The following NCOA1 variants were observed in gnomAD, a reference collection of about 807,000 sequenced individuals.
NCOA1 encodes Hin-2 protein.
A neutral mutation model predicts 150.9 loss-of-function variants in NCOA1; 35 were observed. The observed-to-expected ratio is 0.23, with a 90% CI of 0.18 to 0.31. NCOA1 has a LOEUF of 0.31. Among genes scored for constraint, NCOA1 ranks in the 10% least tolerant of loss-of-function variants. The pLI, the probability that NCOA1 is intolerant of heterozygous loss-of-function variation, is 1.00. For synonymous variants in NCOA1, 590 were observed against 630.0 expected (o/e 0.94, Z 0.95); for missense variants, 1,491 against 1,749.3 (o/e 0.85, Z 2.63).
At chr2:24,674,577 C>T (rs1288124325) in intron 7 of NCOA1, among the ~76,000 whole-genome samples, 1 of 152,126 alleles carries the variant, frequency 6.6e-6, no homozygotes, top group East Asian at 1.9e-4. Flanking sequence ...GAAATTTTCG[C>T]ACATCTAATG....
chr2:24,662,069 G>C (rs544749017), intron 5 of NCOA1, among the ~76,000 whole-genome samples: 2 of 152,292 alleles, frequency 1.3e-5, no homozygotes, highest in African/African-American at 4.8e-5. Flanking sequence ...ATTTGATATG[G>C]TAAACTAAAA....
chr2:24,565,840 A>G (rs893434274), intron 2 of NCOA1, among the ~76,000 whole-genome samples: 1 of 152,174 alleles, frequency 6.6e-6, no homozygotes, highest in Non-Finnish European at 1.5e-5. Flanking sequence ...ACTCCCTGCA[A>G]GCTGTGTCTG....
intron 4 of NCOA1, among the ~76,000 whole-genome samples, chr2:24,654,257 T>G (rs879802872): frequency 1.3e-5 from 2 of 152,194 alleles, no homozygotes; most frequent in African/African-American, 2.4e-5. Flanking sequence ...GCATTGGGGT[T>G]GTTCATATTA....
intron 17 of NCOA1, among the ~76,000 whole-genome samples, chr2:24,732,995 T>C (rs945071590): frequency 5.3e-5 from 8 of 151,732 alleles, no homozygotes; most frequent in Non-Finnish European, 7.4e-5. Flanking sequence ...CTGAGTCACA[T>C]GTACACCCTT....
intron 4 of NCOA1, among the ~76,000 whole-genome samples, chr2:24,653,862 G>A (rs535105020): frequency 1.3e-5 from 2 of 152,214 alleles, no homozygotes; most frequent in African/African-American, 2.4e-5. Context: ...TTTGAATTGG[G>A]CAAATTCTAA....
At chr2:24,545,249 T>C (rs11674568) in intron 1 of NCOA1, among the ~76,000 whole-genome samples, 1 of 151,944 alleles carries the variant, frequency 6.6e-6, no homozygotes, top group Non-Finnish European at 1.5e-5. Context: ...CCTGGAACAT[T>C]GTAGAGTGCC....
chr2:24,673,381 A>G lies in NCOA1; in HGVS notation c.272A>G (p.Asp91Gly). The G allele has an allele frequency of 6.3e-7, 1 of 1,575,108 alleles. No homozygotes were observed. The highest frequency in any genetic ancestry group is 2.3e-5 in the East Asian group (1 of 42,926). Residue 91 changes from aspartate to glycine, a missense_variant, in exon 7 of 23, where the codon GAT becomes GGT. Asp to Gly is a moderately conservative substitution (Grantham distance 94). This residue lies in a region of NCOA1 where 80 missense variants were observed against 163.0 expected (regional missense o/e 0.49). Coordinates refer to ENST00000348332, the MANE Select transcript of NCOA1 (RefSeq NM_003743.5). ...TTTATTATAGAGAAATCAACAACTG[A>G]TGACGATGTACAGAAATCAGACATC... ...KRMEQEKSTT[D>G]DDVQKSDISS...
chr2:24,742,266 G>A, intron 19 of NCOA1, 80 bp downstream of exon 19: 1 of 1,472,478 alleles, frequency 6.8e-7, no homozygotes, highest in African/African-American at 1.4e-5. Context: ...TCTGTGCTTG[G>A]ACATTAAAAT....
chr2:24,707,235 G>C lies in NCOA1; in HGVS notation c.1765G>C (p.Ala589Pro), dbSNP rs1158636304. The C allele has an allele frequency of 6.2e-7, 1 of 1,614,162 alleles. No homozygotes were observed. The highest frequency in any genetic ancestry group is 1.1e-5 in the South Asian group (1 of 91,084). Reference sequence around the variant, plus strand: ...TGAGTCCAAAGATAACAAAGAGATTGCCTCAATTTTAAATGAAATGATTCA... The same window carrying C: ...TGAGTCCAAAGATAACAAAGAGATTCCCTCAATTTTAAATGAAATGATTCA... ...KAESKDNKEI[A>P]SILNEMIQSD... The change falls in exon 13 of 23, where the codon GCC (alanine) becomes CCC (proline). Residue 589 changes from alanine to proline, a missense_variant. By Grantham distance (27) the Ala-to-Pro change is conservative. Transcript: ENST00000348332.
At chr2:24,532,978 A>G (rs1664963812) in intron 1 of NCOA1, among the ~76,000 whole-genome samples, 1 of 152,142 alleles carries the variant, frequency 6.6e-6, no homozygotes, top group Non-Finnish European at 1.5e-5. Flanking sequence ...GTTTTTTCCA[A>G]TTCTGTGAAG....
chr2:24,707,650 G>C lies in NCOA1; in HGVS notation c.2180G>C (p.Gly727Ala). The part of the protein sequence containing the change: ...TSVSVTGQVQ[G>A]NSSIKLELDA... ...GTGTCAGTGACTGGACAGGTACAAGGAAACTCCAGTATAAAACTAGAACTG... is the reference window on the plus strand; with the variant it reads ...GTGTCAGTGACTGGACAGGTACAAGCAAACTCCAGTATAAAACTAGAACTG... The change falls in exon 13 of 23, where the codon GGA becomes GCA. Residue 727 changes from glycine (G) to alanine (A), a missense_variant. Around this residue, in one of 8 missense-constraint regions of NCOA1, gnomAD observed 703 missense variants for 717.7 expected, o/e 0.98. Coordinates refer to ENST00000348332, the MANE Select transcript of NCOA1 (RefSeq NM_003743.5). The C allele has an allele frequency of 6.2e-7, 1 of 1,614,170 alleles. No homozygotes were observed. Among genetic ancestry groups the C allele is most frequent in the South Asian group, 1.1e-5 (1 of 91,084 alleles).
At chr2:24,658,879 C>T in intron 5 of NCOA1, 113 bp downstream of exon 5, 1 of 876,964 alleles carries the variant, frequency 1.1e-6, no homozygotes, top group Non-Finnish European at 1.8e-6. Flanking sequence ...TTGAGTCTTT[C>T]ATACTCACCA....
chr2:24,713,614 C>T (rs1438225537), intron 14 of NCOA1, among the ~76,000 whole-genome samples: 7 of 152,072 alleles, frequency 4.6e-5, no homozygotes, highest in Admixed American at 6.5e-5. Context: ...CTGTAAATAA[C>T]GGGAAAAAGA....
chr2:24,572,862 G>C (rs1174103580), intron 2 of NCOA1, among the ~76,000 whole-genome samples: 1 of 152,122 alleles, frequency 6.6e-6, no homozygotes, highest in South Asian at 2.1e-4. Flanking sequence ...CCAATTACTT[G>C]ACTGTGTTAA....
chr2:24,546,513 C>T (rs1268040750), intron 1 of NCOA1, among the ~76,000 whole-genome samples: 1 of 152,180 alleles, frequency 6.6e-6, no homozygotes, highest in African/African-American at 2.4e-5. Flanking sequence ...TGTACAAGTG[C>T]ATCTAATTAA....
At chr2:24,662,605 A>G (rs1291622765) in intron 5 of NCOA1, among the ~76,000 whole-genome samples, 1 of 152,218 alleles carries the variant, frequency 6.6e-6, no homozygotes, top group Non-Finnish European at 1.5e-5. Context: ...AAAAGTATAT[A>G]CCAGGAACTC....
intron 6 of NCOA1, among the ~76,000 whole-genome samples, chr2:24,672,426 ATCCTG>A (rs1671728866): frequency 6.6e-6 from 1 of 152,158 alleles, no homozygotes; most frequent in Non-Finnish European, 1.5e-5. Context: ...ACATGGTCTC[ATCCTG>A]ACACCCAGGC....
At chr2:24,685,119 A>G (rs1031844981) in intron 8 of NCOA1, among the ~76,000 whole-genome samples, 8 of 152,076 alleles carry the variant, frequency 5.3e-5, no homozygotes, top group African/African-American at 1.9e-4. Context: ...TTCACCTTAT[A>G]TACATATATC....
intron 3 of NCOA1, among the ~76,000 whole-genome samples, chr2:24,636,510 G>C (rs55871723): frequency 0.028 from 4,220 of 151,982 alleles, 63 homozygotes; most frequent in African/African-American, 0.042. Flanking sequence ...TCTAATAATT[G>C]GTTCTCAGAT....
Sources: allele counts gnomAD v4.1 joint callset (sites outside exome capture counted in the v4.1 genomes callset), GRCh38; gene constraint gnomAD v4.1.1; regional missense constraint gnomAD v4.1.1; transcripts MANE v1.5; gene names NCBI Gene and HGNC (gene_info 2026-07-23, HGNC 2026-07-21).